TRIM33: variants seen among roughly 807,000 people sequenced by gnomAD.
The protein encoded by TRIM33 is tripartite motif containing 33, also known as E3 ubiquitin-protein ligase TRIM33.
TRIM33 carries 20 observed loss-of-function variants against 125.4 expected under a neutral mutation model. That is an observed-to-expected ratio of 0.16 (90% confidence interval 0.11 to 0.23). The LOEUF (loss-of-function observed/expected upper bound fraction) is 0.23, where lower values mean the gene tolerates loss of function less well. TRIM33 is among the 10% of genes least tolerant of loss of function. The pLI, the probability that TRIM33 is intolerant of heterozygous loss-of-function variation, is 1.00. For missense variants in TRIM33, 920 were observed against 1,411.4 expected, an observed-to-expected ratio of 0.65 and a Z score of 5.58; for synonymous variants, 564 against 513.9, an observed-to-expected ratio of 1.10 and a Z score of -1.32.
chr1:114,453,670 C>T (rs1649467485), intron 4 of TRIM33, among the ~76,000 whole-genome samples: 1 of 152,192 alleles, frequency 6.6e-6, no homozygotes, highest in African/African-American at 2.4e-5. Context: ...TGTCAACAAT[C>T]TGATTTACAG....
chr1:114,480,541 G>T lies in TRIM33; in HGVS notation c.527-16153C>A, dbSNP rs185170091. On this transcript the variant is annotated intron_variant, in intron 1 of 19. Coordinates refer to ENST00000358465, the MANE Select transcript of TRIM33 (RefSeq NM_015906.4). Reference sequence around the variant, plus strand: ...CGCCTTAAAAAAAAAAAAAAAGAGAGATATCATAATTGCAAGAGTTAAAAC... The same window carrying T: ...CGCCTTAAAAAAAAAAAAAAAGAGATATATCATAATTGCAAGAGTTAAAAC... Among the ~76,000 whole-genome samples the T allele has an allele frequency of 6.0e-4, 56 of 92,684 alleles. 4 individuals carry two copies. The East Asian group carries it at 9.0e-3, about 15-fold the overall frequency. 60.8% of individuals were successfully genotyped at this position (92,684 alleles called of 152,430 possible).
intron 1 of TRIM33, among the ~76,000 whole-genome samples, chr1:114,466,456 A>C (rs1215643712): frequency 6.6e-6 from 1 of 152,146 alleles, no homozygotes; most frequent in Non-Finnish European, 1.5e-5. Flanking sequence ...CGTTCCTGGG[A>C]GATGACCTCT....
intron 1 of TRIM33, among the ~76,000 whole-genome samples, chr1:114,492,723 A>T (rs1018738819): frequency 6.6e-6 from 1 of 152,184 alleles, no homozygotes; most frequent in African/African-American, 2.4e-5. Flanking sequence ...TGCAAGGTTT[A>T]CTCATATTGC....
At chr1:114,419,200 CAAAAAAAA>C (rs35757503) in intron 11 of TRIM33, among the ~76,000 whole-genome samples, 3 of 54,324 alleles carry the variant, frequency 5.5e-5, no homozygotes, top group South Asian at 6.2e-4. Flanking sequence ...GACACCATCT[CAAAAAAAA>C]AAAAAAAAAA....
At chr1:114,488,777 C>CA (rs969753814) in intron 1 of TRIM33, among the ~76,000 whole-genome samples, 173 of 151,540 alleles carry the variant, frequency 1.1e-3, no homozygotes, top group Non-Finnish European at 2.2e-3. Flanking sequence ...AAACAAAAAC[C>CA]AAAAAAAATT....
At position 114,410,421 on chromosome 1, in the gene TRIM33, T is replaced by C. The variant is rs997024004; in HGVS notation, c.2062-105A>G. On this transcript the variant is annotated intron_variant, in intron 11 of 19. Transcript: ENST00000358465. Reference sequence around the variant, plus strand: ...AGTTTATTAATAAACTAACAGATTATCCAATATCAAGCTGAGCCTTATTAT... The same window carrying C: ...AGTTTATTAATAAACTAACAGATTACCCAATATCAAGCTGAGCCTTATTAT... 9 of 1,182,468 alleles carry C rather than the reference T, an allele frequency of 7.6e-6. No homozygotes were observed. The Admixed American group carries it at 2.4e-4, about 31-fold the overall frequency. The allele number at this position is 1,182,468 out of a possible 1,614,324, so 73.2% of individuals were successfully genotyped here.
At chr1:114,407,241 G>C in intron 13 of TRIM33, 141 bp from the exon 14 acceptor site, 2 of 705,360 alleles carry the variant, frequency 2.8e-6, no homozygotes, top group Non-Finnish European at 2.3e-6. Context: ...TCATAATGTA[G>C]TTAAGGGGAA....
chr1:114,472,787 A>T (rs1047174761), intron 1 of TRIM33, among the ~76,000 whole-genome samples: 1 of 152,162 alleles, frequency 6.6e-6, no homozygotes, highest in African/African-American at 2.4e-5. Flanking sequence ...AAAAATTCAC[A>T]AGCATGAATT....
chr1:114,435,206 C>T (rs184039130), intron 4 of TRIM33, among the ~76,000 whole-genome samples: 50 of 152,240 alleles, frequency 3.3e-4, no homozygotes, highest in African/African-American at 1.2e-3. Context: ...AAGGGAAAGA[C>T]CAGCTAAAAC....
chr1:114,501,854 T>C (rs1330086675), intron 1 of TRIM33, among the ~76,000 whole-genome samples: 2 of 152,190 alleles, frequency 1.3e-5, no homozygotes, highest in Admixed American at 1.3e-4. Context: ...TAGTACCATA[T>C]AGTGCATGCT....
intron 13 of TRIM33, among the ~76,000 whole-genome samples, chr1:114,407,985 T>C (rs748284936): frequency 3.3e-5 from 5 of 152,200 alleles, no homozygotes; most frequent in Admixed American, 6.5e-5. Flanking sequence ...ACAATGATTA[T>C]TAACGGTTGC....
chr1:114,422,132 T>C (rs1022132243), intron 10 of TRIM33, among the ~76,000 whole-genome samples: 1 of 152,142 alleles, frequency 6.6e-6, no homozygotes, highest in African/African-American at 2.4e-5. Context: ...CATTTAGAAA[T>C]GTGGATAACA....
intron 1 of TRIM33, among the ~76,000 whole-genome samples, chr1:114,477,904 T>C (rs1302046767): frequency 6.6e-6 from 1 of 152,208 alleles, no homozygotes; most frequent in African/African-American, 2.4e-5. Flanking sequence ...ATGTCACTTA[T>C]TTTTTAAGAC....
chr1:114,434,765 C>T (rs954514900), intron 4 of TRIM33, among the ~76,000 whole-genome samples: 1 of 152,128 alleles, frequency 6.6e-6, no homozygotes, highest in Non-Finnish European at 1.5e-5. Flanking sequence ...CATACTGTGA[C>T]AAGAGATATA....
chr1:114,411,993 T>G (rs1256497743), intron 11 of TRIM33, among the ~76,000 whole-genome samples: 1 of 152,116 alleles, frequency 6.6e-6, no homozygotes, highest in Admixed American at 6.6e-5. Context: ...AGCAAAGATA[T>G]TTCACAAAAG....
In TRIM33 at chr1:114,395,468, A is replaced by T. The variant is rs1557836342; in HGVS notation, c.*2180T>A. ...ATCTATTTATGACTCATTATCTACAATTTTTTTAAAAGGATCCATTTGAAG... is the reference window on the plus strand; with the variant it reads ...ATCTATTTATGACTCATTATCTACATTTTTTTTAAAAGGATCCATTTGAAG... On this transcript the variant is annotated 3_prime_UTR_variant, in exon 20 of 20. Coordinates refer to ENST00000358465, the MANE Select transcript of TRIM33 (RefSeq NM_015906.4). The T allele has an allele frequency of 2.0e-5, 4 of 197,190 alleles. No homozygotes were observed. Among genetic ancestry groups the T allele is most frequent in the Non-Finnish European group, 3.2e-5 (3 of 95,028 alleles). 12.2% of individuals were successfully genotyped at this position (197,190 alleles called of 1,614,324 possible).
At chr1:114,481,677 A>ATATATATATATGTGTG (rs1308228513) in intron 1 of TRIM33, among the ~76,000 whole-genome samples, 2 of 79,188 alleles carry the variant, frequency 2.5e-5, no homozygotes, top group Non-Finnish European at 5.3e-5. Flanking sequence ...ATATGTGTGT[A>ATATATATATATGTGTG]TATATATATA....
At chr1:114,480,229 T>C (rs984451971) in intron 1 of TRIM33, among the ~76,000 whole-genome samples, 3 of 152,020 alleles carry the variant, frequency 2.0e-5, no homozygotes, top group Non-Finnish European at 4.4e-5. Flanking sequence ...CAGGGTTAAA[T>C]GGATTAAGGG....
Position 114,430,918 on chromosome 1 carries a change from T to G in TRIM33, c.1041-6A>C. 6.8e-7 allele frequency: 1 copy of G among 1,461,170 alleles called. No homozygotes were observed. The highest frequency in any genetic ancestry group is 9.6e-7 in the Non-Finnish European group (1 of 1,041,488). The allele number at this position is 1,461,170 out of a possible 1,614,324, so 90.5% of individuals were successfully genotyped here. Reference sequence around the variant, plus strand: ...TCTCATTTACTTCTTTTATCCTGAATAAGAGAAATGCATCATTAGGTTATC... The same window carrying G: ...TCTCATTTACTTCTTTTATCCTGAAGAAGAGAAATGCATCATTAGGTTATC... On this transcript the variant is annotated splice_polypyrimidine_tract_variant and splice_region_variant and intron_variant, in intron 5 of 19. Transcript: ENST00000358465.
Sources: gnomAD v4.1 joint callset for allele counts (sites outside exome capture counted in the v4.1 genomes callset) on GRCh38, gnomAD v4.1.1 for gene constraint, MANE v1.5 for transcripts, NCBI Gene and HGNC (gene_info 2026-07-23, HGNC 2026-07-21) for gene names.